The following SDK2 variants were observed in gnomAD, a reference collection of about 807,000 sequenced individuals.
SDK2 encodes the protein sidekick cell adhesion molecule 2.
A neutral mutation model predicts 253.9 loss-of-function variants in SDK2; 105 were observed. The ratio of observed to expected loss-of-function variants is 0.41; its 90% CI spans 0.35 to 0.49. SDK2 has a LOEUF of 0.49. Among genes scored for constraint, SDK2 ranks in the 20% least tolerant of loss-of-function variants. SDK2 has a pLI of 0.06. For synonymous variants in SDK2, 1,249 were observed against 1,234.9 expected, an observed-to-expected ratio of 1.01 and a Z score of -0.24; for missense variants, 2,608 against 3,003.0, an observed-to-expected ratio of 0.87 and a Z score of 3.07.
intron 1 of SDK2, among the ~76,000 whole-genome samples, chr17:73,544,921 A>G (rs2044931779): frequency 6.6e-6 from 1 of 151,962 alleles, no homozygotes; most frequent in Admixed American, 6.5e-5. Context: ...TGGGACCTCA[A>G]CCATTCCCTG....
intron 40 of SDK2, among the ~76,000 whole-genome samples, chr17:73,357,051 C>T (rs1360981810): frequency 6.6e-6 from 1 of 152,200 alleles, no homozygotes; most frequent in Non-Finnish European, 1.5e-5. Context: ...AGGGAGGGAC[C>T]ATCTGGAGTG....
At position 73,338,821 on chromosome 17, in the gene SDK2, C is replaced by T. The variant is rs757559673; in HGVS notation, c.6285G>A (p.Ser2095=). Reference sequence around the variant, plus strand: ...CCGTGTAGCTGTAGGCCTGTGCCCTCGAGATGCCCTTCTGCTGTCGCCGCC... The same window carrying T: ...CCGTGTAGCTGTAGGCCTGTGCCCTTGAGATGCCCTTCTGCTGTCGCCGCC... ...NSWRRQQKGI[S]RAQAYSYTES... is the part of the protein sequence containing the mutation. The change falls in exon 45 of 45, where the codon TCG becomes TCA. Residue 2095 remains serine (S), a synonymous_variant. Transcript: ENST00000392650. This position sits in a 1 kb window ranked among gnomAD's most constrained non-coding sequence, Gnocchi z 5.0. The T allele has an allele frequency of 9.3e-6, 15 of 1,613,810 alleles. No individual in the cohort carries two copies. The Middle Eastern group carries it at 4.9e-4, about 53-fold the overall frequency.
At position 73,447,995 on chromosome 17, in the gene SDK2, C is replaced by T. The variant is rs964313511; in HGVS notation, c.480-247G>A. ...CAGAGACAGCACGTTCATGCCCAGACGCCGAGGCCACCCAAAGGAAGCTTC... is the reference window on the plus strand; with the variant it reads ...CAGAGACAGCACGTTCATGCCCAGATGCCGAGGCCACCCAAAGGAAGCTTC... On this transcript the variant is annotated intron_variant, in intron 4 of 44. Coordinates refer to ENST00000392650, the MANE Select transcript of SDK2 (RefSeq NM_001144952.2). This position sits in a 1 kb window ranked among gnomAD's most constrained non-coding sequence, Gnocchi z 4.0. 7.9e-5 allele frequency among the ~76,000 whole-genome samples: 12 copies of T among 152,196 alleles called. No homozygotes were observed. The highest frequency in any genetic ancestry group is 1.5e-4 in the Non-Finnish European group (10 of 68,010).
At chr17:73,382,270 T>C (rs1411131411) in intron 33 of SDK2, among the ~76,000 whole-genome samples, 1 of 150,830 alleles carries the variant, frequency 6.6e-6, no homozygotes, top group Non-Finnish European at 1.5e-5. Context: ...CTCCTGCTAG[T>C]CTGTTTGGGT....
chr17:73,594,760 T>C (rs939599486), intron 1 of SDK2, among the ~76,000 whole-genome samples: 1 of 151,788 alleles, frequency 6.6e-6, no homozygotes, highest in African/African-American at 2.4e-5. Flanking sequence ...ACTTAGCACA[T>C]ATGCACACAC....
At chr17:73,380,856 C>T in intron 34 of SDK2, 38 bp downstream of exon 34, 1 of 1,534,426 alleles carries the variant, frequency 6.5e-7, no homozygotes, top group Non-Finnish European at 8.8e-7. Flanking sequence ...CCTGCGAGGC[C>T]TGGGCCCGCG....
chr17:73,409,337 C>T (rs757519766), intron 18 of SDK2, among the ~76,000 whole-genome samples: 4 of 152,008 alleles, frequency 2.6e-5, no homozygotes, highest in African/African-American at 4.8e-5. Flanking sequence ...AAAAATGAGC[C>T]GGGCATGGTG....
Position 73,396,865 on chromosome 17 carries a change from G to A in SDK2, c.3354+1170C>T, listed in dbSNP as rs147942649. Among the ~76,000 whole-genome samples the A allele has an allele frequency of 6.2e-4, 95 of 152,352 alleles. 1 individual carries two copies. Among genetic ancestry groups the A allele is most frequent in the African/African-American group, 2.0e-3 (82 of 41,586 alleles). ...AGGTGGGTATAGTCACACTGTGCAC[G>A]GGGCACTGAGGTGGGCCGAGACAGC... On this transcript the variant is annotated intron_variant, in intron 24 of 44. Transcript: ENST00000392650.
chr17:73,620,745 A>C (rs1003596862), intron 1 of SDK2, among the ~76,000 whole-genome samples: 4 of 152,260 alleles, frequency 2.6e-5, no homozygotes, highest in Non-Finnish European at 5.9e-5. Flanking sequence ...TATGCTCAGT[A>C]AAAGAAGCCA....
intron 3 of SDK2, 43 bp downstream of exon 3, chr17:73,472,069 A>T: frequency 2.1e-6 from 3 of 1,420,462 alleles, no homozygotes; most frequent in Non-Finnish European, 2.9e-6. Flanking sequence ...CCACTCTGGC[A>T]CCACAGTCGC....
At chr17:73,424,170 G>A (rs2063260210) in intron 12 of SDK2, 78 bp from the exon 13 acceptor site, 14 of 1,243,552 alleles carry the variant, frequency 1.1e-5, no homozygotes, top group Middle Eastern at 2.0e-4. Flanking sequence ...AGCTTGTCCC[G>A]AGAAAATAGC....
At chr17:73,623,689 T>C (rs149837863) in intron 1 of SDK2, among the ~76,000 whole-genome samples, 1,700 of 152,242 alleles carry the variant, frequency 0.011, 9 homozygotes, top group Non-Finnish European at 0.018. Context: ...CTGATCCCCT[T>C]TCGGTCAGCT....
intron 1 of SDK2, among the ~76,000 whole-genome samples, chr17:73,610,573 T>C (rs2045960910): frequency 6.6e-6 from 1 of 152,138 alleles, no homozygotes; most frequent in South Asian, 2.1e-4. Context: ...GGAGAGCCCA[T>C]GGCATTGCTA....
Position 73,604,792 on chromosome 17 carries a change from G to A in SDK2, c.64+39233C>T, listed in dbSNP as rs138478078. Among the ~76,000 whole-genome samples the A allele has an allele frequency of 2.0e-3, 307 of 152,342 alleles. 1 individual carries two copies. The highest frequency in any genetic ancestry group is 7.1e-3 in the African/African-American group (294 of 41,578). ...GCTAAGGGAAGGACTGGAAGACCAC[G>A]CCGAGGTCCAGGAGGTCTGGAGCTC... On this transcript the variant is annotated intron_variant, in intron 1 of 44. Transcript: ENST00000392650.
intron 1 of SDK2, among the ~76,000 whole-genome samples, chr17:73,610,840 C>T (rs1056479640): frequency 1.1e-4 from 17 of 148,780 alleles, no homozygotes; most frequent in Admixed American, 3.3e-4. Flanking sequence ...TGTGCGTGTG[C>T]GTGTGTGTGT....
intron 1 of SDK2, among the ~76,000 whole-genome samples, chr17:73,615,700 CAG>C (rs1232472715): frequency 6.6e-6 from 1 of 152,188 alleles, no homozygotes; most frequent in Non-Finnish European, 1.5e-5. Context: ...TGTGGGAAGA[CAG>C]AGTGATGCAC....
chr17:73,576,285 AG>A (rs1345320272), intron 1 of SDK2, among the ~76,000 whole-genome samples: 3 of 152,108 alleles, frequency 2.0e-5, no homozygotes, highest in African/African-American at 7.2e-5. Flanking sequence ...AAGGATGGGA[AG>A]GGTGTCCCCA....
intron 3 of SDK2, among the ~76,000 whole-genome samples, chr17:73,464,660 C>T (rs2063585359): frequency 1.3e-5 from 2 of 152,194 alleles, no homozygotes; most frequent in South Asian, 2.1e-4. Flanking sequence ...AGGGCCTTTG[C>T]ACCTGCTATC....
At chr17:73,489,645 A>G (rs1396997611) in intron 2 of SDK2, among the ~76,000 whole-genome samples, 1 of 152,200 alleles carries the variant, frequency 6.6e-6, no homozygotes, top group Non-Finnish European at 1.5e-5. Flanking sequence ...GTTCTTCCCT[A>G]TAACGAGCTT....
Sources: gnomAD v4.1 joint callset for allele counts (sites outside exome capture counted in the v4.1 genomes callset) on GRCh38, gnomAD v4.1.1 for gene constraint, Gnocchi (gnomAD v3.1) non-coding constraint, MANE v1.5 for transcripts, NCBI Gene and HGNC (gene_info 2026-07-23, HGNC 2026-07-21) for gene names.